Variants in DNER observed in about 807,000 individuals in gnomAD.
DNER encodes delta and Notch-like epidermal growth factor-related receptor.
A neutral mutation model predicts 78.2 loss-of-function variants in DNER; 33 were observed. That is an observed-to-expected ratio of 0.42 (90% CI 0.32 to 0.56). DNER has a LOEUF of 0.56. Among genes scored for constraint, DNER ranks in the 20% least tolerant of loss-of-function variants. The pLI, the probability that DNER is intolerant of heterozygous loss-of-function variation, is 0.11. For synonymous variants in DNER, 417 were observed against 384.8 expected, an observed-to-expected ratio of 1.08 and a Z score of -0.98; for missense variants, 918 against 975.3, an observed-to-expected ratio of 0.94 and a Z score of 0.78.
At chr2:229,369,599 A>T (rs1453914749) in intron 11 of DNER, among the ~76,000 whole-genome samples, 1 of 152,198 alleles carries the variant, frequency 6.6e-6, no homozygotes, top group African/African-American at 2.4e-5. Context: ...AAAGGGTCAC[A>T]TGCTGTTCCC....
chr2:229,550,421 C>T (rs1696710822), intron 4 of DNER, among the ~76,000 whole-genome samples: 1 of 152,166 alleles, frequency 6.6e-6, no homozygotes, highest in Non-Finnish European at 1.5e-5. Context: ...CTAGAATACA[C>T]AGTCCCAAAA....
chr2:229,605,724 C>CA (rs5839341), intron 1 of DNER, among the ~76,000 whole-genome samples: 89,474 of 149,504 alleles, frequency 0.6, 26,998 homozygotes, highest in African/African-American at 0.7. Context: ...CCCATCTCTA[C>CA]AAAAAAAAAA....
intron 1 of DNER, among the ~76,000 whole-genome samples, chr2:229,648,085 G>A (rs1574942565): frequency 2.0e-5 from 3 of 152,166 alleles, no homozygotes; most frequent in Non-Finnish European, 4.4e-5. Flanking sequence ...AAAGGAGCCA[G>A]CCACAGTTAG....
chr2:229,477,141 T>C lies in DNER; in HGVS notation c.1260A>G (p.Glu420=), dbSNP rs920207704. ...SLSGFTCQCP[E]GYFGSACEEK... ...TCTGGAGTAATAAATACTAATTACC[T>C]TCTGGACACTGGCAGGTGAATCCAC... The change falls in exon 7 of 13, where the codon GAA becomes GAG. Residue 420 remains glutamate (E), a splice_region_variant and synonymous_variant. Transcript: ENST00000341772. The C allele has an allele frequency of 2.6e-5, 42 of 1,612,694 alleles. No homozygotes were observed. Among genetic ancestry groups the C allele is most frequent in the Non-Finnish European group, 3.6e-5 (42 of 1,178,962 alleles).
intron 1 of DNER, among the ~76,000 whole-genome samples, chr2:229,693,988 G>A (rs1440152761): frequency 6.6e-6 from 1 of 152,204 alleles, no homozygotes. Context: ...GAGGGAAAAT[G>A]GTTTTGTGGG....
At chr2:229,373,917 C>A (rs751063017) in intron 11 of DNER, among the ~76,000 whole-genome samples, 2 of 152,156 alleles carry the variant, frequency 1.3e-5, no homozygotes, top group Non-Finnish European at 2.9e-5. Context: ...GTAATCCCAG[C>A]AGTTTGGGAG....
chr2:229,412,867 C>T (rs1219823630), intron 9 of DNER, among the ~76,000 whole-genome samples: 1 of 152,134 alleles, frequency 6.6e-6, no homozygotes, highest in East Asian at 1.9e-4. Context: ...ATAGATTTCA[C>T]CAAATGACTT....
At chr2:229,639,104 A>G (rs560409039) in intron 1 of DNER, among the ~76,000 whole-genome samples, 1 of 152,326 alleles carries the variant, frequency 6.6e-6, no homozygotes, top group African/African-American at 2.4e-5. Context: ...GGTGATACCA[A>G]CACACATCTC....
intron 1 of DNER, among the ~76,000 whole-genome samples, chr2:229,687,417 C>T (rs1322595861): frequency 1.3e-5 from 2 of 151,998 alleles, no homozygotes; most frequent in East Asian, 1.9e-4. Context: ...GCGTCTACCA[C>T]CACACCCAGC....
chr2:229,564,971 A>G (rs1306877073), intron 4 of DNER, among the ~76,000 whole-genome samples: 1 of 152,144 alleles, frequency 6.6e-6, no homozygotes, highest in Non-Finnish European at 1.5e-5. Context: ...AGGAGAAGTG[A>G]GGAAGCTCTC....
At chr2:229,664,214 CCA>C (rs1172859455) in intron 1 of DNER, among the ~76,000 whole-genome samples, 2 of 152,014 alleles carry the variant, frequency 1.3e-5, no homozygotes, top group African/African-American at 4.8e-5. Context: ...GAATTTTCTC[CCA>C]GTCTACACTG....
chr2:229,428,534 T>C (rs1693932361), intron 8 of DNER, among the ~76,000 whole-genome samples: 1 of 152,034 alleles, frequency 6.6e-6, no homozygotes, highest in Admixed American at 6.6e-5. Flanking sequence ...CTAGGCACTT[T>C]AAAATACAAC....
intron 1 of DNER, among the ~76,000 whole-genome samples, chr2:229,596,003 A>C (rs73998288): frequency 0.012 from 1,883 of 151,616 alleles, 55 homozygotes; most frequent in African/African-American, 0.043. Context: ...TTTCTAAAAT[A>C]TCCATCATCT....
intron 8 of DNER, among the ~76,000 whole-genome samples, chr2:229,427,308 A>G (rs1482019659): frequency 6.6e-6 from 1 of 152,192 alleles, no homozygotes; most frequent in Admixed American, 6.5e-5. Flanking sequence ...TAATAGCCAC[A>G]TGGGGAAGGT....
chr2:229,620,507 C>T (rs959825466), intron 1 of DNER, among the ~76,000 whole-genome samples: 1 of 152,226 alleles, frequency 6.6e-6, no homozygotes, highest in Non-Finnish European at 1.5e-5. Context: ...CACCTCACTG[C>T]GTGTGATGAG....
intron 7 of DNER, among the ~76,000 whole-genome samples, chr2:229,471,011 A>G (rs1694913089): frequency 6.6e-6 from 1 of 151,274 alleles, no homozygotes; most frequent in African/African-American, 2.4e-5. Flanking sequence ...TTTTGAAAGA[A>G]CAAGAACAGC....
chr2:229,563,214 T>C (rs1321626913), intron 4 of DNER, among the ~76,000 whole-genome samples: 62 of 51,490 alleles, frequency 1.2e-3, no homozygotes, highest in Middle Eastern at 0.028. Context: ...CTCCTCCTCA[T>C]CCCATCACCA....
intron 1 of DNER, among the ~76,000 whole-genome samples, chr2:229,647,499 A>G (rs1291366265): frequency 6.6e-6 from 1 of 152,264 alleles, no homozygotes; most frequent in East Asian, 1.9e-4. Flanking sequence ...AATAGATATC[A>G]AAAACTATTA....
intron 10 of DNER, among the ~76,000 whole-genome samples, chr2:229,396,878 G>T (rs1559340592): frequency 6.6e-6 from 1 of 152,118 alleles, no homozygotes; most frequent in South Asian, 2.1e-4. Flanking sequence ...TACCAAGAGG[G>T]TAGTCAATGT....
Sources: allele counts gnomAD v4.1 joint callset (sites outside exome capture counted in the v4.1 genomes callset), GRCh38; gene constraint gnomAD v4.1.1; transcripts MANE v1.5; gene names NCBI Gene and HGNC (gene_info 2026-07-23, HGNC 2026-07-21).